ASXL3: variants seen among roughly 807,000 people sequenced by gnomAD.
The protein encoded by ASXL3 is putative Polycomb group protein ASXL3.
In ASXL3, 34 loss-of-function variants were observed where a neutral mutation model predicts 170.6. That is an observed-to-expected ratio of 0.20 (90% CI 0.15 to 0.27). The LOEUF (loss-of-function observed/expected upper bound fraction) is 0.27. ASXL3 is among the 10% of genes least tolerant of loss of function. ASXL3 has a pLI of 1.00. For synonymous variants in ASXL3, 1,002 were observed against 989.1 expected (o/e 1.01, Z -0.24); for missense variants, 2,592 against 2,695.3 (o/e 0.96, Z 0.85).
intron 8 of ASXL3, among the ~76,000 whole-genome samples, chr18:33,727,149 A>G (rs555434603): frequency 6.6e-6 from 1 of 152,202 alleles, no homozygotes; most frequent in South Asian, 2.1e-4. Flanking sequence ...CGTTGTCTGT[A>G]GAATGAAATC....
At chr18:33,700,161 T>C (rs1476549086) in intron 8 of ASXL3, among the ~76,000 whole-genome samples, 1 of 152,036 alleles carries the variant, frequency 6.6e-6, no homozygotes, top group Non-Finnish European at 1.5e-5. Context: ...TTTTTTCATG[T>C]GGCAGAGGAT....
At chr18:33,715,299 T>A (rs2067145921) in intron 8 of ASXL3, among the ~76,000 whole-genome samples, 1 of 152,190 alleles carries the variant, frequency 6.6e-6, no homozygotes, top group Admixed American at 6.5e-5. Context: ...GCTTCCAAAC[T>A]AGCAGGTTCT....
chr18:33,641,353 G>C (rs1349194551), intron 2 of ASXL3, among the ~76,000 whole-genome samples: 3 of 151,922 alleles, frequency 2.0e-5, no homozygotes, highest in African/African-American at 7.2e-5. Context: ...GGGGTTGTGG[G>C]AAATGAAAAC....
At chr18:33,741,787 A>G (rs964870145) in intron 11 of ASXL3, among the ~76,000 whole-genome samples, 1 of 152,210 alleles carries the variant, frequency 6.6e-6, no homozygotes, top group Non-Finnish European at 1.5e-5. Context: ...GTCACTCACT[A>G]GTTATATAAT....
chr18:33,728,012 A>C (rs1366992042), intron 8 of ASXL3, among the ~76,000 whole-genome samples: 1 of 152,144 alleles, frequency 6.6e-6, no homozygotes, highest in Non-Finnish European at 1.5e-5. Flanking sequence ...GATCTCGAGA[A>C]TCTGTCAGAG....
chr18:33,619,044 A>C (rs1473283793), intron 2 of ASXL3, among the ~76,000 whole-genome samples: 2 of 152,172 alleles, frequency 1.3e-5, no homozygotes, highest in Non-Finnish European at 2.9e-5. Context: ...GCTTAATGCC[A>C]AGGACTTTAC....
rs1599562713 is a variant in ASXL3, at chr18:33,738,743, G to A, written c.1339G>A (p.Glu447Lys). 1 of 1,613,956 alleles carries A rather than the reference G, an allele frequency of 6.2e-7. No homozygotes were observed. Among genetic ancestry groups the A allele is most frequent in the Non-Finnish European group, 8.5e-7 (1 of 1,179,874 alleles). The change falls in exon 11 of 12, where the codon GAA becomes AAA. Residue 447 changes from glutamate (E) to lysine (K), a missense_variant. Around this residue, in one of 4 missense-constraint regions of ASXL3, gnomAD observed 2,246 missense variants for 2,219.6 expected, o/e 1.01. Transcript: ENST00000269197. Reference protein sequence around the residue: ...LESEDILIPEESVIQEEIAEE... With the variant: ...LESEDILIPEKSVIQEEIAEE... The stretch of plus-strand genomic sequence containing the variant: ...GTCAGAGGATATCTTGATCCCTGAA[G>A]AATCTGTAATTCAGGAGGAAATTGC...
chr18:33,588,443 A>G (rs925437625), intron 1 of ASXL3, among the ~76,000 whole-genome samples: 1 of 151,962 alleles, frequency 6.6e-6, no homozygotes, highest in Non-Finnish European at 1.5e-5. Flanking sequence ...AGGGATCAAT[A>G]GAGGCTGGGC....
intron 1 of ASXL3, among the ~76,000 whole-genome samples, chr18:33,587,214 G>A (rs771045881): frequency 2.4e-4 from 37 of 152,140 alleles, no homozygotes; most frequent in African/African-American, 8.7e-4. Context: ...ATATATCATT[G>A]AATTTTCTAA....
chr18:33,638,465 A>T (rs1014668318), intron 2 of ASXL3, among the ~76,000 whole-genome samples: 3 of 152,110 alleles, frequency 2.0e-5, no homozygotes, highest in Non-Finnish European at 1.5e-5. Flanking sequence ...AGTTCTTTAT[A>T]TTTGAAATCT....
At chr18:33,616,649 G>A (rs1286218974) in intron 2 of ASXL3, 3 of 152,120 alleles carry the variant, frequency 2.0e-5, no homozygotes, top group Non-Finnish European at 2.9e-5. Flanking sequence ...AGAGTGGGTG[G>A]CTTAAATAAC....
At chr18:33,579,278 C>T (rs1306551042) in intron 1 of ASXL3, among the ~76,000 whole-genome samples, 1 of 151,988 alleles carries the variant, frequency 6.6e-6, no homozygotes, top group East Asian at 1.9e-4. Context: ...GGCTCCAGTT[C>T]GTTTGTGTTT....
At chr18:33,582,896 AAATT>A (rs2065005590) in intron 1 of ASXL3, among the ~76,000 whole-genome samples, 2 of 152,186 alleles carry the variant, frequency 1.3e-5, no homozygotes, top group Non-Finnish European at 1.5e-5. Flanking sequence ...ATTGTGTTAA[AAATT>A]AATCTACACT....
At chr18:33,590,116 T>TTTTTTTGTTTTTTTTTTG (rs1568265368) in intron 1 of ASXL3, among the ~76,000 whole-genome samples, 3 of 147,150 alleles carry the variant, frequency 2.0e-5, no homozygotes, top group Admixed American at 1.3e-4. Flanking sequence ...TCTATGTTTT[T>TTTTTTTGTTTTTTTTTTG]TTTTTTTTTT....
intron 1 of ASXL3, among the ~76,000 whole-genome samples, chr18:33,592,219 CAG>C (rs1307451043): frequency 6.6e-6 from 1 of 152,074 alleles, no homozygotes; most frequent in African/African-American, 2.4e-5. Flanking sequence ...TTTAATAAAA[CAG>C]TGTTTGAAGT....
chr18:33,660,494 T>C (rs2066155172), intron 4 of ASXL3, among the ~76,000 whole-genome samples: 2 of 152,154 alleles, frequency 1.3e-5, no homozygotes, highest in Admixed American at 1.3e-4. Flanking sequence ...TCACCTTCTT[T>C]TAAAACTCAG....
rs2067850220 is a variant in ASXL3 at position 33,749,444 on chromosome 18, T to G, written c.*2849T>G. On this transcript the variant is annotated 3_prime_UTR_variant, in exon 12 of 12. Transcript: ENST00000269197. ...ACTTGCACATGTACCATACAATTTTTTTTTTTTTAATCACAAAGGATGTAT... is the reference window on the plus strand; with the variant it reads ...ACTTGCACATGTACCATACAATTTTGTTTTTTTTAATCACAAAGGATGTAT... The G allele has an allele frequency of 6.6e-6, 1 of 152,130 alleles. No individual in the cohort carries two copies. Among genetic ancestry groups the G allele is most frequent in the South Asian group, 2.1e-4 (1 of 4,826 alleles). 9.4% of individuals were successfully genotyped at this position (152,130 alleles called of 1,614,324 possible). A position where few individuals can be genotyped will look rare whatever the true frequency, so the allele number is the denominator to read the frequency against.
At chr18:33,710,842 C>G (rs752617575) in intron 8 of ASXL3, among the ~76,000 whole-genome samples, 1 of 152,106 alleles carries the variant, frequency 6.6e-6, no homozygotes, top group Non-Finnish European at 1.5e-5. Flanking sequence ...TATTAAACTT[C>G]TAATTTTATT....
chr18:33,585,998 A>G (rs2065031362), intron 1 of ASXL3, among the ~76,000 whole-genome samples: 1 of 152,192 alleles, frequency 6.6e-6, no homozygotes, highest in African/African-American at 2.4e-5. Context: ...ATCAAAGTCA[A>G]TCATAATTAT....
Sources: gnomAD v4.1 joint callset for allele counts (sites outside exome capture counted in the v4.1 genomes callset) on GRCh38, gnomAD v4.1.1 for gene constraint, gnomAD v4.1.1 regional missense constraint, MANE v1.5 for transcripts, NCBI Gene and HGNC (gene_info 2026-07-23, HGNC 2026-07-21) for gene names.